ZNF10: variants seen among roughly 807,000 people sequenced by gnomAD.
ZNF10 encodes zinc finger protein 10 (KOX 1).
Under a neutral mutation model 12.2 loss-of-function variants are expected in ZNF10, and 8 were observed. The observed-to-expected ratio is 0.66, with a 90% CI of 0.39 to 1.18. The LOEUF (loss-of-function observed/expected upper bound fraction) is 1.18. Among genes scored for constraint, ZNF10 ranks in the 50% most tolerant of loss-of-function variants. The pLI is 0.01. For synonymous variants in ZNF10, 229 were observed against 228.2 expected, an observed-to-expected ratio of 1.00 and a Z score of -0.03; for missense variants, 603 against 678.9, an observed-to-expected ratio of 0.89 and a Z score of 1.24.
intron 1 of ZNF10, among the ~76,000 whole-genome samples, chr12:133,141,651 A>T (rs1385998832): frequency 6.6e-6 from 1 of 152,086 alleles, no homozygotes; most frequent in Non-Finnish European, 1.5e-5. Flanking sequence ...AAATGCAGAG[A>T]GAAAAAAGAA....
intron 1 of ZNF10, among the ~76,000 whole-genome samples, chr12:133,134,503 A>C (rs2135456569): frequency 1.3e-5 from 2 of 152,300 alleles, no homozygotes; most frequent in South Asian, 4.1e-4. Context: ...CTCCAGAAGG[A>C]ACACAGCTCT....
Position 133,158,562 on chromosome 12 carries a change from A to T in ZNF10, c.*1594A>T, listed in dbSNP as rs1004156375. 1 of 152,228 alleles carries T rather than the reference A, an allele frequency of 6.6e-6. No individual in the cohort carries two copies. The allele number at this position is 152,228 out of a possible 1,614,324, so 9.4% of individuals were successfully genotyped here. ...CTTCAGATTCTCTGGTAAGTTAATA[A>T]CCCACAAAAGATTCAGGAAGAGGAT... is the stretch of plus-strand genomic sequence containing the variant. On this transcript the variant is annotated 3_prime_UTR_variant, in exon 5 of 5. Transcript: ENST00000248211.
chr12:133,137,469 ATCT>A (rs1955919119), intron 1 of ZNF10, among the ~76,000 whole-genome samples: 1 of 152,058 alleles, frequency 6.6e-6, no homozygotes, highest in African/African-American at 2.4e-5. Flanking sequence ...CTTACACATA[ATCT>A]TCTTAGGCAT....
intron 1 of ZNF10, among the ~76,000 whole-genome samples, chr12:133,131,359 A>G (rs1955874790): frequency 1.4e-5 from 2 of 146,512 alleles, no homozygotes; most frequent in African/African-American, 2.5e-5. Context: ...CTAACACATA[A>G]TATGAGTGTC....
Position 133,138,102 on chromosome 12 carries a change from T to C in ZNF10, c.-59-6332T>C, listed in dbSNP as rs150544124. On this transcript the variant is annotated intron_variant, in intron 1 of 4. Transcript: ENST00000248211. ...ATAATTAAATCAGAATCTCTTGGTA[T>C]GGGACCCAGGTATCAATAAATGCCA... Among the ~76,000 whole-genome samples, 5 of 152,246 alleles carry C rather than the reference T, an allele frequency of 3.3e-5. No homozygotes were observed. The East Asian group carries it at 9.7e-4, about 29-fold the overall frequency.
Position 133,156,289 on chromosome 12 carries a change from T to C in ZNF10, c.1043T>C (p.Leu348Pro). 6.2e-7 allele frequency: 1 copy of C among 1,614,152 alleles called. No individual in the cohort carries two copies. The highest frequency in any genetic ancestry group is 8.5e-7 in the Non-Finnish European group (1 of 1,180,008). The change falls in exon 5 of 5, where the codon CTG (leucine) becomes CCG (proline). Residue 348 changes from leucine to proline, a missense_variant. Physicochemically the swap from Leu to Pro is moderately conservative, Grantham distance 98 (BLOSUM62 -3). Transcript: ENST00000248211. ...THQRTHTGDK[L>P]YTCNQCGKSF... The stretch of plus-strand genomic sequence containing the variant: ...CAGAGAACTCATACAGGAGACAAAC[T>C]GTACACATGTAATCAGTGTGGGAAA...
In ZNF10 at chr12:133,155,738, T is replaced by A. The variant is rs1385272588; in HGVS notation, c.492T>A (p.Ser164=). ...QKKVLTQERV[S]ESGKYGGNCL... ...AAGTACTTACTCAGGAGAGAGTCTC[T>A]GAAAGTGGTAAATATGGGGGAAACT... The change falls in exon 5 of 5, where the codon TCT becomes TCA. Residue 164 remains serine, a synonymous_variant. Coordinates refer to ENST00000248211, the MANE Select transcript of ZNF10 (RefSeq NM_015394.5). 9 of 1,612,422 alleles carry A rather than the reference T, an allele frequency of 5.6e-6. No homozygotes were observed. The East Asian group carries it at 2.0e-4, about 36-fold the overall frequency.
At position 133,158,389 on chromosome 12, in the gene ZNF10, C is replaced by T. The variant is rs1593849679; in HGVS notation, c.*1421C>T. 6.6e-6 allele frequency: 1 copy of T among 152,260 alleles called. No homozygotes were observed. The highest frequency in any genetic ancestry group is 2.4e-5 in the African/African-American group (1 of 41,550). The allele number at this position is 152,260 out of a possible 1,614,324, so 9.4% of individuals were successfully genotyped here. A position where few individuals can be genotyped will look rare whatever the true frequency, so the allele number is the denominator to read the frequency against. On this transcript the variant is annotated 3_prime_UTR_variant, in exon 5 of 5. Coordinates refer to ENST00000248211, the MANE Select transcript of ZNF10 (RefSeq NM_015394.5). ...GTCATACATGGTTTTTCCCTTTTGC[C>T]TAAATCAGAACTCAACAGCCTGGGA...
At chr12:133,133,185 C>G (rs1170057556) in intron 1 of ZNF10, among the ~76,000 whole-genome samples, 1 of 152,126 alleles carries the variant, frequency 6.6e-6, no homozygotes, top group Non-Finnish European at 1.5e-5. Flanking sequence ...TTTGCCATGT[C>G]TATTGGTTAC....
chr12:133,156,520 G>T lies in ZNF10; in HGVS notation c.1274G>T (p.Arg425Ile), dbSNP rs1243657670. ...SQRSHLVVHH[R>I]IHTGLKPFEC... ...AGATCTCACCTTGTTGTGCATCATA[G>T]AATTCACACTGGACTAAAACCTTTT... The change falls in exon 5 of 5, where the codon AGA (arginine) becomes ATA (isoleucine). Residue 425 changes from arginine (R) to isoleucine (I), a missense_variant. This residue lies in a region of ZNF10 where 204 missense variants were observed against 262.8 expected (regional missense o/e 0.78). Coordinates refer to ENST00000248211, the MANE Select transcript of ZNF10 (RefSeq NM_015394.5). 2 of 1,614,054 alleles carry T rather than the reference G, an allele frequency of 1.2e-6. No homozygotes were observed. The highest frequency in any genetic ancestry group is 2.7e-5 in the African/African-American group (2 of 75,056).
intron 1 of ZNF10, among the ~76,000 whole-genome samples, chr12:133,135,814 C>G (rs1266414363): frequency 6.6e-6 from 1 of 152,232 alleles, no homozygotes; most frequent in African/African-American, 2.4e-5. Flanking sequence ...ATAGAAATCC[C>G]AGCCCAGAAC....
rs944564237 is a variant in ZNF10 at position 133,137,514 on chromosome 12, T to C, written c.-60+6760T>C. On this transcript the variant is annotated intron_variant, in intron 1 of 4. Coordinates refer to ENST00000248211, the MANE Select transcript of ZNF10 (RefSeq NM_015394.5). ...TGCTCACGATGTTCCCCAACCTCCC[T>C]TACCTACCAAACCAGCTCTGACACT... Among the ~76,000 whole-genome samples the C allele has an allele frequency of 5.3e-5, 8 of 152,320 alleles. No homozygotes were observed. In the South Asian group the frequency reaches 1.7e-3, roughly 32 times the overall value.
At chr12:133,148,330 A>G (rs1326508196) in intron 2 of ZNF10, among the ~76,000 whole-genome samples, 1 of 152,146 alleles carries the variant, frequency 6.6e-6, no homozygotes, top group Non-Finnish European at 1.5e-5. Context: ...CATGTTGGCC[A>G]GGCTAGTCTC....
At chr12:133,145,134 C>T (rs1955968010) in intron 2 of ZNF10, among the ~76,000 whole-genome samples, 1 of 152,194 alleles carries the variant, frequency 6.6e-6, no homozygotes, top group Non-Finnish European at 1.5e-5. Flanking sequence ...CTGCCTCGGC[C>T]TCCCAAAGCA....
At chr12:133,138,132 T>C (rs2135458145) in intron 1 of ZNF10, among the ~76,000 whole-genome samples, 1 of 152,132 alleles carries the variant, frequency 6.6e-6, no homozygotes, top group African/African-American at 2.4e-5. Flanking sequence ...ATGCCAAACA[T>C]ACTTAGCAAT....
chr12:133,135,762 A>T (rs535920752), intron 1 of ZNF10, among the ~76,000 whole-genome samples: 6 of 152,324 alleles, frequency 3.9e-5, no homozygotes, highest in Admixed American at 3.3e-4. Flanking sequence ...CATTTCTCAC[A>T]TGAGGCATTC....
chr12:133,134,511 T>C (rs1423985636), intron 1 of ZNF10, among the ~76,000 whole-genome samples: 1 of 152,154 alleles, frequency 6.6e-6, no homozygotes, highest in African/African-American at 2.4e-5. Flanking sequence ...GGAACACAGC[T>C]CTGCCAACAC....
intron 1 of ZNF10, among the ~76,000 whole-genome samples, chr12:133,131,371 A>G (rs1051380092): frequency 6.6e-6 from 1 of 152,190 alleles, no homozygotes; most frequent in Non-Finnish European, 1.5e-5. Flanking sequence ...ATGAGTGTCA[A>G]AGATAAGGTT....
chr12:133,150,687 G>C lies in ZNF10; in HGVS notation c.34-341G>C, dbSNP rs575322731. Among the ~76,000 whole-genome samples, 4 of 151,982 alleles carry C rather than the reference G, an allele frequency of 2.6e-5. No homozygotes were observed. The South Asian group carries it at 8.3e-4, about 32-fold the overall frequency. ...AAGCATTAAGGTGTACTTGAATTAG[G>C]TTCTTTATTTACGTAGTATAAAAGT... On this transcript the variant is annotated intron_variant, in intron 2 of 4. Coordinates refer to ENST00000248211, the MANE Select transcript of ZNF10 (RefSeq NM_015394.5).
Sources: allele counts gnomAD v4.1 joint callset (sites outside exome capture counted in the v4.1 genomes callset), GRCh38; gene constraint gnomAD v4.1.1; regional missense constraint gnomAD v4.1.1; transcripts MANE v1.5; gene names NCBI Gene and HGNC (gene_info 2026-07-23, HGNC 2026-07-21).